PLCXD3: variants seen among roughly 807,000 people sequenced by gnomAD.
PLCXD3 encodes phosphatidylinositol specific phospholipase C X domain containing 3.
PLCXD3 carries 19 observed loss-of-function variants against 25.5 expected under a neutral mutation model. The ratio of observed to expected loss-of-function variants is 0.75; its 90% CI spans 0.52 to 1.09. The LOEUF is 1.09. Ranked by LOEUF, PLCXD3 falls within the 50% of genes least tolerant of loss-of-function variation. PLCXD3 has a pLI of 0.00. For missense variants in PLCXD3, 411 were observed against 388.1 expected (o/e 1.06, Z -0.50); for synonymous variants, 174 against 137.6 (o/e 1.26, Z -1.85).
In PLCXD3 at chr5:41,419,267, A is replaced by G. The variant is rs532677288; in HGVS notation, c.104-36733T>C. Reference sequence around the variant, plus strand: ...ATTTTGTAGCCACAAATCTTCCTCAAATCAAAGCTTCCTATCATCAGGAAT... The same window carrying G: ...ATTTTGTAGCCACAAATCTTCCTCAGATCAAAGCTTCCTATCATCAGGAAT... On this transcript the variant is annotated intron_variant, in intron 1 of 2. Transcript: ENST00000377801. Among the ~76,000 whole-genome samples the G allele has an allele frequency of 1.4e-4, 22 of 152,258 alleles. 1 individual carries two copies. The South Asian group carries it at 4.4e-3, about 30-fold the overall frequency.
chr5:41,399,532 A>G (rs1746115462), intron 1 of PLCXD3, among the ~76,000 whole-genome samples: 1 of 152,254 alleles, frequency 6.6e-6, no homozygotes, highest in South Asian at 2.1e-4. Flanking sequence ...GAACCCAGAA[A>G]CAACTCCACA....
In PLCXD3 at chr5:41,310,891, AT is replaced by A. The variant is rs1269553390; in HGVS notation, c.*2725del. On this transcript the variant is annotated 3_prime_UTR_variant, in exon 3 of 3. Coordinates refer to ENST00000377801, the MANE Select transcript of PLCXD3 (RefSeq NM_001005473.3). ...CTAACAAGGTTTCTGGGTGCATATC[AT>A]TAGCAGCAGTACAAAGCTTTCCCTA... 3 of 152,588 alleles carry A rather than the reference AT, an allele frequency of 2.0e-5. No homozygotes were observed. The highest frequency in any genetic ancestry group is 4.4e-5 in the Non-Finnish European group (3 of 68,014). 9.5% of individuals were successfully genotyped at this position (152,588 alleles called of 1,614,324 possible). A position where few individuals can be genotyped will look rare whatever the true frequency, so the allele number is the denominator to read the frequency against.
chr5:41,450,853 A>G (rs1747613296), intron 1 of PLCXD3, among the ~76,000 whole-genome samples: 1 of 152,104 alleles, frequency 6.6e-6, no homozygotes, highest in Non-Finnish European at 1.5e-5. Context: ...GAGAAGTAGG[A>G]AAGGGGAAAA....
chr5:41,336,025 C>T (rs951358912), intron 2 of PLCXD3, among the ~76,000 whole-genome samples: 2 of 152,194 alleles, frequency 1.3e-5, no homozygotes, highest in South Asian at 2.1e-4. Flanking sequence ...GAGTATTTAT[C>T]GACTTTTAAT....
intron 1 of PLCXD3, among the ~76,000 whole-genome samples, chr5:41,487,625 A>G (rs1477783797): frequency 6.6e-6 from 1 of 152,242 alleles, no homozygotes; most frequent in Non-Finnish European, 1.5e-5. Flanking sequence ...AATTGTTAGA[A>G]AAATGATAAA....
intron 1 of PLCXD3, among the ~76,000 whole-genome samples, chr5:41,469,611 A>G (rs973630169): frequency 1.3e-5 from 2 of 151,900 alleles, no homozygotes; most frequent in African/African-American, 4.8e-5. Context: ...GAATATATCT[A>G]CTTCCTCTAG....
In PLCXD3 at chr5:41,309,863, T is replaced by C. The variant is rs1450982508; in HGVS notation, c.*3754A>G. 6.6e-6 allele frequency: 1 copy of C among 152,164 alleles called. No individual in the cohort carries two copies. The highest frequency in any genetic ancestry group is 1.5e-5 in the Non-Finnish European group (1 of 67,998). 9.4% of individuals were successfully genotyped at this position (152,164 alleles called of 1,614,324 possible). A position where few individuals can be genotyped will look rare whatever the true frequency, so the allele number is the denominator to read the frequency against. On this transcript the variant is annotated 3_prime_UTR_variant, in exon 3 of 3. Coordinates refer to ENST00000377801, the MANE Select transcript of PLCXD3 (RefSeq NM_001005473.3). ...TGGTTTTCTAGTTACTTTTCTCCTC[T>C]TAAATATTTAAATATTTGAATTATG...
chr5:41,402,194 C>A (rs961464994), intron 1 of PLCXD3, among the ~76,000 whole-genome samples: 1 of 151,446 alleles, frequency 6.6e-6, no homozygotes, highest in African/African-American at 2.4e-5. Flanking sequence ...AATTTTTATA[C>A]CTTATTCTTT....
Position 41,313,516 on chromosome 5 carries a change from C to G in PLCXD3, c.*101G>C. Reference sequence around the variant, plus strand: ...CACCCACTACCAGCCCTATTCCCTTCAGAGACTCAGTGGAATAGGAAGATC... The same window carrying G: ...CACCCACTACCAGCCCTATTCCCTTGAGAGACTCAGTGGAATAGGAAGATC... On this transcript the variant is annotated 3_prime_UTR_variant, in exon 3 of 3. Transcript: ENST00000377801. The G allele has an allele frequency of 1.4e-6, 2 of 1,428,104 alleles. No homozygotes were observed. Among genetic ancestry groups the G allele is most frequent in the Non-Finnish European group, 2.0e-6 (2 of 1,023,260 alleles). 88.5% of individuals were successfully genotyped at this position (1,428,104 alleles called of 1,614,324 possible). A position where few individuals can be genotyped will look rare whatever the true frequency, so the allele number is the denominator to read the frequency against.
At chr5:41,391,611 C>T (rs1745825601) in intron 1 of PLCXD3, among the ~76,000 whole-genome samples, 2 of 152,176 alleles carry the variant, frequency 1.3e-5, no homozygotes, top group South Asian at 4.1e-4. Flanking sequence ...TTGCTGGCTT[C>T]AGGTGAGTCT....
At chr5:41,467,683 C>T (rs1008719710) in intron 1 of PLCXD3, among the ~76,000 whole-genome samples, 9 of 152,074 alleles carry the variant, frequency 5.9e-5, no homozygotes, top group Non-Finnish European at 8.8e-5. Context: ...GGTAGCTTTA[C>T]AGTTTCAGGT....
chr5:41,327,540 T>G (rs886434942), intron 2 of PLCXD3, among the ~76,000 whole-genome samples: 1 of 152,180 alleles, frequency 6.6e-6, no homozygotes, highest in Non-Finnish European at 1.5e-5. Flanking sequence ...AAGCTTTAAT[T>G]CATTCATATT....
chr5:41,358,752 C>T (rs138295339), intron 2 of PLCXD3, among the ~76,000 whole-genome samples: 17 of 152,212 alleles, frequency 1.1e-4, no homozygotes, highest in East Asian at 3.9e-4. Context: ...TTCAGTACTA[C>T]GCTGAATGGA....
intron 1 of PLCXD3, among the ~76,000 whole-genome samples, chr5:41,441,043 C>A (rs897874592): frequency 1.3e-5 from 2 of 152,184 alleles, no homozygotes; most frequent in Non-Finnish European, 2.9e-5. Flanking sequence ...TGCAGTCCTT[C>A]CTCTAACCTT....
chr5:41,318,841 G>A (rs1743376161), intron 2 of PLCXD3, among the ~76,000 whole-genome samples: 1 of 152,052 alleles, frequency 6.6e-6, no homozygotes, highest in Non-Finnish European at 1.5e-5. Context: ...ATGATCTATT[G>A]CCTACAAGAA....
chr5:41,503,993 G>GTA (rs1273344848), intron 1 of PLCXD3, among the ~76,000 whole-genome samples: 1 of 151,684 alleles, frequency 6.6e-6, no homozygotes, highest in African/African-American at 2.4e-5. Context: ...GCACTTGTGT[G>GTA]TGTGTGTGTG....
At chr5:41,356,573 A>G (rs576559062) in intron 2 of PLCXD3, among the ~76,000 whole-genome samples, 1 of 152,296 alleles carries the variant, frequency 6.6e-6, no homozygotes, top group African/African-American at 2.4e-5. Context: ...GGGGATATCA[A>G]CAATTCCCAA....
chr5:41,480,326 G>T (rs1204708856), intron 1 of PLCXD3, among the ~76,000 whole-genome samples: 2 of 151,656 alleles, frequency 1.3e-5, no homozygotes, highest in East Asian at 3.9e-4. Context: ...ATGTCCTTTT[G>T]AGTATAACAT....
intron 2 of PLCXD3, among the ~76,000 whole-genome samples, chr5:41,350,184 C>A (rs1167619123): frequency 6.6e-6 from 1 of 152,142 alleles, no homozygotes; most frequent in East Asian, 1.9e-4. Context: ...CACTTCTATT[C>A]TTTCATAGCT....
Sources: allele counts gnomAD v4.1 joint callset (sites outside exome capture counted in the v4.1 genomes callset), GRCh38; gene constraint gnomAD v4.1.1; transcripts MANE v1.5; gene names NCBI Gene and HGNC (gene_info 2026-07-23, HGNC 2026-07-21).